TUSC3: variants seen among roughly 807,000 people sequenced by gnomAD.
TUSC3 encodes the protein tumor suppressor candidate 3.
In TUSC3, 45 loss-of-function variants were observed where a neutral mutation model predicts 44.8. The ratio of observed to expected loss-of-function variants is 1.00; its 90% CI spans 0.79 to 1.29. TUSC3 has a LOEUF of 1.29. Ranked by LOEUF, TUSC3 falls within the 50% of genes most tolerant of loss-of-function variation. The pLI is 0.00. For synonymous variants in TUSC3, 212 were observed against 152.9 expected, an observed-to-expected ratio of 1.39 and a Z score of -2.85; for missense variants, 519 against 437.9, an observed-to-expected ratio of 1.19 and a Z score of -1.65.
intron 6 of TUSC3, among the ~76,000 whole-genome samples, chr8:15,687,848 GA>G (rs1005464557): frequency 1.3e-5 from 2 of 152,166 alleles, no homozygotes; most frequent in South Asian, 2.1e-4. Flanking sequence ...AAGTATATCA[GA>G]AAAAAATTGT....
At chr8:15,508,688 C>G (rs186270519) in intron 2 of TUSC3, among the ~76,000 whole-genome samples, 39 of 152,156 alleles carry the variant, frequency 2.6e-4, no homozygotes, top group African/African-American at 8.7e-4. Context: ...GTCTCAGTCT[C>G]CTGACCTTGT....
chr8:15,728,122 T>G (rs542136907), intron 6 of TUSC3, among the ~76,000 whole-genome samples: 1 of 152,324 alleles, frequency 6.6e-6, no homozygotes, highest in East Asian at 1.9e-4. Flanking sequence ...CTTGTTATTG[T>G]GACTGGAAAT....
At chr8:15,602,240 C>T (rs1804318883) in intron 1 of TUSC3, among the ~76,000 whole-genome samples, 1 of 151,606 alleles carries the variant, frequency 6.6e-6, no homozygotes. Flanking sequence ...TATAGGCCTT[C>T]CTTTTTGAAT....
rs1024573834 is a variant in TUSC3, at chr8:15,555,474, T to C, written c.138+14906T>C. Among the ~76,000 whole-genome samples the C allele has an allele frequency of 2.6e-4, 39 of 150,760 alleles. 1 individual carries two copies. The highest frequency in any genetic ancestry group is 4.1e-4 in the Non-Finnish European group (28 of 67,516). ...ACCATGCCTAGCTAGTTTTTTTGTA[T>C]TGTAGAGACGAAGTCTCCCTGTGTT... On this transcript the variant is annotated intron_variant, in intron 1 of 10. Coordinates refer to ENST00000503731, the MANE Select transcript of TUSC3 (RefSeq NM_006765.4).
At chr8:15,684,330 G>A (rs1808539259) in intron 6 of TUSC3, among the ~76,000 whole-genome samples, 1 of 152,158 alleles carries the variant, frequency 6.6e-6, no homozygotes, top group East Asian at 1.9e-4. Flanking sequence ...GAGTTGTGGA[G>A]TGTGTTCACT....
intron 1 of TUSC3, among the ~76,000 whole-genome samples, chr8:15,591,817 C>T (rs755194430): frequency 5.9e-5 from 9 of 152,202 alleles, no homozygotes; most frequent in Middle Eastern, 3.4e-3. Flanking sequence ...AACATTGTAG[C>T]GCCTTCTTAG....
rs187229746 is a variant in TUSC3, at chr8:15,515,958, C to T, written n.189+32475C>T. On this transcript the variant is annotated intron_variant and non_coding_transcript_variant, in intron 2 of 5. Transcript: ENST00000503191. Reference sequence around the variant, plus strand: ...TGCTGGGATTAGAGGCATGAGCCACCATGCCGGGCCCCAAAATTATATTCT... The same window carrying T: ...TGCTGGGATTAGAGGCATGAGCCACTATGCCGGGCCCCAAAATTATATTCT... Among the ~76,000 whole-genome samples, 117 of 152,238 alleles carry T rather than the reference C, an allele frequency of 7.7e-4. 1 individual carries two copies. Among genetic ancestry groups the T allele is most frequent in the African/African-American group, 2.3e-3 (95 of 41,554 alleles).
At chr8:15,612,516 AGTGGT>A in intron 1 of TUSC3, among the ~76,000 whole-genome samples, 1 of 152,298 alleles carries the variant, frequency 6.6e-6, no homozygotes, top group East Asian at 1.9e-4. Context: ...GAAAAAATGG[AGTGGT>A]GTCATAATTT....
chr8:15,542,889 G>T (rs1801736522), intron 1 of TUSC3, among the ~76,000 whole-genome samples: 1 of 152,198 alleles, frequency 6.6e-6, no homozygotes, highest in Admixed American at 6.5e-5. Flanking sequence ...AGCTTAAATA[G>T]TTGATGTTTT....
intron 2 of TUSC3, among the ~76,000 whole-genome samples, chr8:15,493,092 A>C (rs753438810): frequency 2.0e-5 from 3 of 148,726 alleles, no homozygotes; most frequent in East Asian, 1.9e-4. Context: ...TTAATACACA[A>C]AAAAAATCCT....
the TUSC3 span, among the ~76,000 whole-genome samples, chr8:15,842,637 C>T: frequency 0.037 from 5,674 of 152,218 alleles, 323 homozygotes; most frequent in African/African-American, 0.12. Context: ...CTTGCAATTA[C>T]GAACCTCAGA....
intron 2 of TUSC3, among the ~76,000 whole-genome samples, chr8:15,514,939 A>C (rs1801195170): frequency 6.6e-6 from 1 of 152,196 alleles, no homozygotes; most frequent in Non-Finnish European, 1.5e-5. Context: ...AAATACACAA[A>C]TACTGTAGGT....
chr8:15,740,928 G>A (rs999160510), intron 7 of TUSC3, among the ~76,000 whole-genome samples: 6 of 152,064 alleles, frequency 3.9e-5, no homozygotes, highest in East Asian at 1.9e-4. Context: ...TTACGAAAAT[G>A]TACGTAATTT....
In TUSC3 at chr8:15,513,804, C is replaced by T. The variant is rs1260208113; in HGVS notation, n.189+30321C>T. 3.3e-5 allele frequency among the ~76,000 whole-genome samples: 5 copies of T among 152,174 alleles called. No individual in the cohort carries two copies. In the East Asian group the frequency reaches 9.7e-4, roughly 29 times the overall value. On this transcript the variant is annotated intron_variant and non_coding_transcript_variant, in intron 2 of 5. Coordinates refer to the TUSC3 transcript ENST00000503191. Reference sequence around the variant, plus strand: ...ACAAAACTCTCATAGGAGCCAACTGCACTTATATCTCACCAGAGTCAATGA... The same window carrying T: ...ACAAAACTCTCATAGGAGCCAACTGTACTTATATCTCACCAGAGTCAATGA...
intron 1 of TUSC3, among the ~76,000 whole-genome samples, chr8:15,564,219 C>A (rs6980838): frequency 1.3e-5 from 2 of 151,748 alleles, no homozygotes; most frequent in South Asian, 2.1e-4. Context: ...ATTTTCAAAT[C>A]GAGGTTATTA....
chr8:15,648,336 G>T (rs1256382597), intron 2 of TUSC3, among the ~76,000 whole-genome samples: 2 of 151,978 alleles, frequency 1.3e-5, no homozygotes, highest in Non-Finnish European at 2.9e-5. Flanking sequence ...CATGAACAAA[G>T]CAGTCTGCAT....
rs913726320 is a variant in TUSC3 at position 15,517,747 on chromosome 8, C to T, written n.189+34264C>T. On this transcript the variant is annotated intron_variant and non_coding_transcript_variant, in intron 2 of 5. Transcript: ENST00000503191. ...TTCACTTCAATTACATATTTCTGGGCTTCATGCTTTTTAAATTTCTTTACC... is the reference window on the plus strand; with the variant it reads ...TTCACTTCAATTACATATTTCTGGGTTTCATGCTTTTTAAATTTCTTTACC... Among the ~76,000 whole-genome samples the T allele has an allele frequency of 2.0e-5, 3 of 151,950 alleles. No individual in the cohort carries two copies. The East Asian group carries it at 5.8e-4, about 29-fold the overall frequency.
Position 15,650,984 on chromosome 8 carries a change from T to TAC in TUSC3, c.426+208_426+209dup, listed in dbSNP as rs3070913. 9.1e-3 allele frequency: 4,570 copies of TAC among 501,554 alleles called. 14 individuals carry two copies. Among genetic ancestry groups the TAC allele is most frequent in the South Asian group, 0.023 (1,115 of 49,038 alleles). The allele number at this position is 501,554 out of a possible 1,614,324, so 31.1% of individuals were successfully genotyped here. A position where few individuals can be genotyped will look rare whatever the true frequency, so the allele number is the denominator to read the frequency against. On this transcript the variant is annotated intron_variant, in intron 3 of 10. Transcript: ENST00000503731. ...CAGGTGGAGGACAGAGCAAGACTTT[T>TAC]ACACACACACACACACACACACACA...
intron 7 of TUSC3, among the ~76,000 whole-genome samples, chr8:15,736,047 A>G (rs1315151081): frequency 1.3e-5 from 2 of 152,026 alleles, no homozygotes; most frequent in African/African-American, 4.8e-5. Context: ...TAGTTATTCT[A>G]TCGTATTTTT....
Sources: allele counts gnomAD v4.1 joint callset (sites outside exome capture counted in the v4.1 genomes callset), GRCh38; gene constraint gnomAD v4.1.1; transcripts MANE v1.5; gene names NCBI Gene and HGNC (gene_info 2026-07-23, HGNC 2026-07-21).